STX2: variants seen among roughly 807,000 people sequenced by gnomAD.
STX2 encodes the protein syntaxin 2.
In STX2, 27 loss-of-function variants were observed where a neutral mutation model predicts 40.6. The ratio of observed to expected loss-of-function variants is 0.66; its 90% CI spans 0.49 to 0.92. The LOEUF (loss-of-function observed/expected upper bound fraction) is 0.92, where lower values mean the gene tolerates loss of function less well. STX2 is among the 40% of genes least tolerant of loss of function. STX2 has a pLI of 0.00. For missense variants in STX2, 328 were observed against 366.1 expected, an observed-to-expected ratio of 0.90 and a Z score of 0.85; for synonymous variants, 123 against 119.1, an observed-to-expected ratio of 1.03 and a Z score of -0.22.
At chr12:130,826,121 C>A (rs1952293101) in intron 2 of STX2, among the ~76,000 whole-genome samples, 2 of 152,182 alleles carry the variant, frequency 1.3e-5, no homozygotes, top group South Asian at 4.2e-4. Flanking sequence ...TCTGAGTCTT[C>A]TACCTGAGCT....
rs1952117523 is a variant in STX2, at chr12:130,821,634, A to C, written c.205+55T>G. 2.8e-6 allele frequency: 4 copies of C among 1,413,074 alleles called. No individual in the cohort carries two copies. The East Asian group carries it at 9.1e-5, about 32-fold the overall frequency. 87.5% of individuals were successfully genotyped at this position (1,413,074 alleles called of 1,614,324 possible). The stretch of plus-strand genomic sequence containing the variant: ...CAGAGTTGAGGCCTGTGCCGCAGAC[A>C]GCCAGAGGGACACACAGACAGACAA... On this transcript the variant is annotated intron_variant, in intron 3 of 10. Coordinates refer to ENST00000392373, the MANE Select transcript of STX2 (RefSeq NM_194356.4).
intron 6 of STX2, among the ~76,000 whole-genome samples, chr12:130,803,514 AAAATTAGCCAGGTATG>A (rs1371544559): frequency 1.3e-5 from 2 of 152,022 alleles, no homozygotes; most frequent in African/African-American, 4.8e-5. Flanking sequence ...TACAAAAAAT[AAAATTAGCCAGGTATG>A]GTGGTGTGCT....
chr12:130,796,960 G>A (rs954294772), intron 9 of STX2, among the ~76,000 whole-genome samples: 16 of 152,178 alleles, frequency 1.1e-4, no homozygotes, highest in Admixed American at 7.9e-4. Context: ...GAGTGGGGAC[G>A]ACCCACACCT....
intron 10 of STX2, among the ~76,000 whole-genome samples, chr12:130,795,731 C>A (rs1325980773): frequency 3.9e-5 from 6 of 152,082 alleles, no homozygotes; most frequent in South Asian, 4.2e-4. Context: ...CACAGCTAGA[C>A]CCTGTCTCAA....
At chr12:130,797,099 G>A (rs980751139) in intron 9 of STX2, among the ~76,000 whole-genome samples, 6 of 152,216 alleles carry the variant, frequency 3.9e-5, no homozygotes, top group Non-Finnish European at 7.3e-5. Flanking sequence ...TCTCTGACGA[G>A]TTTATACGCC....
chr12:130,823,558 C>T (rs541927255), intron 2 of STX2, among the ~76,000 whole-genome samples: 2 of 152,314 alleles, frequency 1.3e-5, no homozygotes, highest in African/African-American at 4.8e-5. Flanking sequence ...ATTGTGAAAA[C>T]AGCAGCTGGA....
At chr12:130,796,179 A>G (rs1951022967) in intron 9 of STX2, 59 bp from the exon 10 acceptor site, 1 of 1,602,306 alleles carries the variant, frequency 6.2e-7, no homozygotes. Flanking sequence ...TTGCCACATT[A>G]AAAGACATCC....
At position 130,789,632 on chromosome 12, in the gene STX2, G is replaced by T. The variant is rs1950828681; in HGVS notation, c.*2391C>A. ...AGTAGAACAATTTATTAATTAATAT[G>T]CAATAAAATATCTCCCCAAAATCTT... On this transcript the variant is annotated 3_prime_UTR_variant, in exon 11 of 11. Transcript: ENST00000392373. The T allele has an allele frequency of 6.6e-6, 1 of 152,606 alleles. No homozygotes were observed. The highest frequency in any genetic ancestry group is 1.5e-5 in the Non-Finnish European group (1 of 68,036). 9.5% of individuals were successfully genotyped at this position (152,606 alleles called of 1,614,324 possible). A position where few individuals can be genotyped will look rare whatever the true frequency, so the allele number is the denominator to read the frequency against.
At position 130,821,696 on chromosome 12, in the gene STX2, C is replaced by A. The variant is rs138400487; in HGVS notation, c.198G>T (p.Pro66=). ...TGAAAACCAACAACTTACTTCCTTC[C>A]GGGTTTGGTGCAGAAAGAATGATGC... ...NHSIILSAPN[P]EGKIKEELED... Residue 66 remains proline, a synonymous_variant, in exon 3 of 11, where the codon CCG becomes CCT. Coordinates refer to ENST00000392373, the MANE Select transcript of STX2 (RefSeq NM_194356.4). 1 of 1,613,434 alleles carries A rather than the reference C, an allele frequency of 6.2e-7. No homozygotes were observed. Among genetic ancestry groups the A allele is most frequent in the Admixed American group, 1.7e-5 (1 of 60,012 alleles).
chr12:130,797,790 T>C (rs1387649969), intron 9 of STX2, among the ~76,000 whole-genome samples: 1 of 152,264 alleles, frequency 6.6e-6, no homozygotes, highest in Non-Finnish European at 1.5e-5. Context: ...GCAAAGTCTG[T>C]GCATCTTGAG....
At chr12:130,802,196 T>A (rs943831147) in intron 6 of STX2, among the ~76,000 whole-genome samples, 1 of 152,056 alleles carries the variant, frequency 6.6e-6, no homozygotes, top group Non-Finnish European at 1.5e-5. Context: ...ACGCTTTTGG[T>A]TTTTGTCGCT....
intron 2 of STX2, among the ~76,000 whole-genome samples, chr12:130,823,303 C>A (rs1169439426): frequency 6.6e-6 from 1 of 152,052 alleles, no homozygotes; most frequent in Non-Finnish European, 1.5e-5. Flanking sequence ...CAGAGCAAGA[C>A]CCTGCTCTTA....
At chr12:130,835,113 AC>A (rs1380879474) in intron 1 of STX2, among the ~76,000 whole-genome samples, 1 of 152,230 alleles carries the variant, frequency 6.6e-6, no homozygotes, top group East Asian at 1.9e-4. Context: ...ACACAGCGCA[AC>A]CCCATCTCTA....
chr12:130,807,204 T>C, intron 5 of STX2, 114 bp from the exon 6 acceptor site: 1 of 1,010,542 alleles, frequency 9.9e-7, no homozygotes. Flanking sequence ...CTCCTGCAAA[T>C]GGAAAATGAC....
chr12:130,832,110 G>A (rs868507654), intron 1 of STX2, among the ~76,000 whole-genome samples: 6 of 151,702 alleles, frequency 4.0e-5, no homozygotes, highest in African/African-American at 9.7e-5. Flanking sequence ...GTCTCCCCAC[G>A]TGCTGGTATT....
chr12:130,808,579 A>T, intron 5 of STX2, 52 bp downstream of exon 5: 1 of 1,500,716 alleles, frequency 6.7e-7, no homozygotes, highest in Non-Finnish European at 9.1e-7. Context: ...GAAGAAAGTA[A>T]AAACACTTAT....
chr12:130,838,992 AAGACGCCCCGAGCCCCCGCCCGCCCTCC>A, intron 1 of STX2, 50 bp downstream of exon 1: 1 of 277,784 alleles, frequency 3.6e-6, no homozygotes, highest in Non-Finnish European at 4.9e-6. Flanking sequence ...AGCCCCGCCC[AAGACGCCCCGAGCCCCCGCCCGCCCTCC>A]AGACGCCGCC....
chr12:130,834,447 A>G (rs756302175), intron 1 of STX2, among the ~76,000 whole-genome samples: 8 of 151,786 alleles, frequency 5.3e-5, no homozygotes, highest in Non-Finnish European at 1.2e-4. Flanking sequence ...AGCACCTGCA[A>G]GGGCAGGGAG....
chr12:130,809,617 G>C (rs1418148241), intron 4 of STX2, among the ~76,000 whole-genome samples: 3 of 152,198 alleles, frequency 2.0e-5, no homozygotes, highest in African/African-American at 7.2e-5. Context: ...AGGGGTTCGA[G>C]ACCAGCGTGG....
Sources: allele counts gnomAD v4.1 joint callset (sites outside exome capture counted in the v4.1 genomes callset), GRCh38; gene constraint gnomAD v4.1.1; transcripts MANE v1.5; gene names NCBI Gene and HGNC (gene_info 2026-07-23, HGNC 2026-07-21).